WDR70: variants seen among roughly 807,000 people sequenced by gnomAD.
WDR70 encodes WD repeat domain 70.
Under a neutral mutation model 88.6 loss-of-function variants are expected in WDR70, and 53 were observed. The ratio of observed to expected loss-of-function variants is 0.60; its 90% CI spans 0.48 to 0.75. The LOEUF (loss-of-function observed/expected upper bound fraction) is 0.75. Ranked by LOEUF, WDR70 falls within the 30% of genes least tolerant of loss-of-function variation. The pLI is 0.00. For missense variants in WDR70, 610 were observed against 823.2 expected (o/e 0.74, Z 3.17); for synonymous variants, 280 against 270.0 (o/e 1.04, Z -0.36).
Position 37,511,234 on chromosome 5 carries a change from C to T in WDR70, c.841-5280C>T, listed in dbSNP as rs142120351. The stretch of plus-strand genomic sequence containing the variant: ...TCATTTATTTTATGTTTATCAGTAG[C>T]ATTCTACTAAAAGGAAGAGCTTTGT... On this transcript the variant is annotated intron_variant, in intron 8 of 17. Coordinates refer to ENST00000265107, the MANE Select transcript of WDR70 (RefSeq NM_018034.4). 2.9e-3 allele frequency among the ~76,000 whole-genome samples: 438 copies of T among 152,206 alleles called. 2 individuals are homozygous for T. Among genetic ancestry groups the T allele is most frequent in the Non-Finnish European group, 4.7e-3 (322 of 68,014 alleles).
At chr5:37,598,643 C>G (rs1257532585) in intron 9 of WDR70, among the ~76,000 whole-genome samples, 2 of 152,078 alleles carry the variant, frequency 1.3e-5, no homozygotes, top group Non-Finnish European at 2.9e-5. Context: ...TGATAGTGAC[C>G]AATTACACTA....
At chr5:37,450,024 T>G (rs1738627831) in intron 7 of WDR70, among the ~76,000 whole-genome samples, 2 of 152,206 alleles carry the variant, frequency 1.3e-5, no homozygotes, top group African/African-American at 4.8e-5. Context: ...TGTGTTAGTT[T>G]GCTGAGAATG....
chr5:37,453,468 A>T (rs756850622), intron 7 of WDR70, among the ~76,000 whole-genome samples: 3 of 152,254 alleles, frequency 2.0e-5, no homozygotes, highest in Non-Finnish European at 2.9e-5. Flanking sequence ...CAGCTCGCTG[A>T]TGCTATTGTT....
intron 9 of WDR70, among the ~76,000 whole-genome samples, chr5:37,561,795 C>T (rs1363301632): frequency 2.0e-5 from 3 of 152,136 alleles, no homozygotes; most frequent in Non-Finnish European, 4.4e-5. Flanking sequence ...GAAAGGTTCT[C>T]TGTTGATTTA....
intron 9 of WDR70, among the ~76,000 whole-genome samples, chr5:37,567,044 C>A (rs1161292908): frequency 6.6e-6 from 1 of 152,184 alleles, no homozygotes. Flanking sequence ...GTTACTGTGA[C>A]TATTCCTAAT....
At chr5:37,689,234 A>G (rs1022411144) in intron 10 of WDR70, among the ~76,000 whole-genome samples, 6 of 152,310 alleles carry the variant, frequency 3.9e-5, no homozygotes, top group African/African-American at 1.4e-4. Flanking sequence ...TACTGCCTCT[A>G]TGCACTCCAC....
At chr5:37,738,480 G>A (rs529238233) in intron 17 of WDR70, among the ~76,000 whole-genome samples, 1 of 152,176 alleles carries the variant, frequency 6.6e-6, no homozygotes, top group Admixed American at 6.5e-5. Context: ...CAGTGAAGAC[G>A]ACTTCACTCT....
chr5:37,680,955 T>C (rs1477152341), intron 10 of WDR70, among the ~76,000 whole-genome samples: 1 of 152,102 alleles, frequency 6.6e-6, no homozygotes, highest in African/African-American at 2.4e-5. Flanking sequence ...TTTAAAATAG[T>C]TTTTTCTACT....
Position 37,558,325 on chromosome 5 carries a change from AT to A in WDR70, c.917+41745del, listed in dbSNP as rs1242751615. 6.7e-5 allele frequency among the ~76,000 whole-genome samples: 10 copies of A among 149,154 alleles called. No homozygotes were observed. The East Asian group carries it at 1.4e-3, about 20-fold the overall frequency. On this transcript the variant is annotated intron_variant, in intron 9 of 17. Coordinates refer to ENST00000265107, the MANE Select transcript of WDR70 (RefSeq NM_018034.4). ...TTTGAACACAATGTATTTAGCTTTG[AT>A]TTTTTTTTTGAGACAGAATTTTGCT...
At chr5:37,508,902 A>G (rs34630090) in intron 8 of WDR70, among the ~76,000 whole-genome samples, 141 of 152,310 alleles carry the variant, frequency 9.3e-4, no homozygotes, top group Non-Finnish European at 1.5e-3. Flanking sequence ...AGTATAGCCA[A>G]CTGGGCTGGG....
chr5:37,640,808 A>G (rs1179993173), intron 10 of WDR70, among the ~76,000 whole-genome samples: 2 of 152,160 alleles, frequency 1.3e-5, no homozygotes, highest in African/African-American at 4.8e-5. Context: ...TCTATCAGTG[A>G]TCTAAGCTAG....
intron 10 of WDR70, among the ~76,000 whole-genome samples, chr5:37,645,109 A>G (rs1745198362): frequency 1.3e-5 from 2 of 151,164 alleles, no homozygotes; most frequent in African/African-American, 2.4e-5. Flanking sequence ...GTAAGTGCTT[A>G]TAGCTATAAA....
intron 5 of WDR70, among the ~76,000 whole-genome samples, chr5:37,435,440 G>C (rs1274793399): frequency 6.6e-6 from 1 of 152,138 alleles, no homozygotes; most frequent in Non-Finnish European, 1.5e-5. Flanking sequence ...TGTAGGAATA[G>C]TCCAGAATTT....
At chr5:37,614,282 C>T (rs1744270974) in intron 10 of WDR70, among the ~76,000 whole-genome samples, 1 of 152,156 alleles carries the variant, frequency 6.6e-6, no homozygotes, top group African/African-American at 2.4e-5. Flanking sequence ...TATGTCATAA[C>T]ACTGCGACCT....
chr5:37,659,583 A>G (rs1176580609), intron 10 of WDR70, among the ~76,000 whole-genome samples: 1 of 152,220 alleles, frequency 6.6e-6, no homozygotes. Context: ...TCAGGCTGCC[A>G]TAACAAAATA....
chr5:37,695,349 G>A (rs923174257), intron 10 of WDR70, among the ~76,000 whole-genome samples: 1 of 152,134 alleles, frequency 6.6e-6, no homozygotes, highest in Non-Finnish European at 1.5e-5. Flanking sequence ...TTTGGGTGGG[G>A]ACACAGATCC....
At chr5:37,453,890 G>C (rs1248646309) in intron 7 of WDR70, among the ~76,000 whole-genome samples, 4 of 152,070 alleles carry the variant, frequency 2.6e-5, no homozygotes, top group Non-Finnish European at 5.9e-5. Context: ...GTCAAAAGTA[G>C]CTCCTCTCCC....
At chr5:37,564,688 GA>G in intron 9 of WDR70, among the ~76,000 whole-genome samples, 1 of 152,128 alleles carries the variant, frequency 6.6e-6, no homozygotes, top group East Asian at 1.9e-4. Context: ...ACTGCAGATA[GA>G]AAAAAATTTT....
chr5:37,643,986 T>C (rs1745169882), intron 10 of WDR70, among the ~76,000 whole-genome samples: 1 of 152,098 alleles, frequency 6.6e-6, no homozygotes, highest in Non-Finnish European at 1.5e-5. Flanking sequence ...TTTTTTCACT[T>C]GTCTAATTGC....
Sources: gnomAD v4.1 joint callset for allele counts (sites outside exome capture counted in the v4.1 genomes callset) on GRCh38, gnomAD v4.1.1 for gene constraint, MANE v1.5 for transcripts, NCBI Gene and HGNC (gene_info 2026-07-23, HGNC 2026-07-21) for gene names.